The following ATRN variants were observed in gnomAD, a reference collection of about 807,000 sequenced individuals.
ATRN encodes attractin-2.
A neutral mutation model predicts 178.7 loss-of-function variants in ATRN; 54 were observed. The ratio of observed to expected loss-of-function variants is 0.30; its 90% CI spans 0.24 to 0.38. The LOEUF (loss-of-function observed/expected upper bound fraction) is 0.38, where lower values mean the gene tolerates loss of function less well. ATRN is among the 10% of genes least tolerant of loss of function. The pLI is 1.00. For synonymous variants in ATRN, 636 were observed against 663.0 expected (o/e 0.96, Z 0.63); for missense variants, 1,443 against 1,815.1 (o/e 0.79, Z 3.73).
At chr20:3,646,616 T>G (rs562683127) in intron 28 of ATRN, 107 bp from the exon 29 acceptor site, 319 of 1,400,926 alleles carry the variant, frequency 2.3e-4, no homozygotes, top group Non-Finnish European at 2.9e-4. Context: ...TTTTTTGGTT[T>G]GTTTGTTTTG....
intron 1 of ATRN, among the ~76,000 whole-genome samples, chr20:3,483,486 A>G (rs933278018): frequency 2.6e-5 from 4 of 152,138 alleles, no homozygotes; most frequent in African/African-American, 9.7e-5. Context: ...AGCTGAGACT[A>G]CAGGCATGTG....
Position 3,563,345 on chromosome 20 carries a change from T to A in ATRN, c.1768T>A (p.Phe590Ile). Reference protein sequence around the residue: ...SHGAKCFSSDFMAYDIACDRW... With the variant: ...SHGAKCFSSDIMAYDIACDRW... ...TGGCGCCAAATGCTTCTCTTCAGAT[T>A]TCATGGCCTATGACATTGGTAAGTT... Residue 590 changes from phenylalanine to isoleucine, a missense_variant, in exon 10 of 29, where the codon TTC becomes ATC. Physicochemically the swap from Phe to Ile is conservative, Grantham distance 21 (BLOSUM62 0). Around this residue, in one of 4 missense-constraint regions of ATRN, gnomAD observed 862 missense variants for 972.1 expected, o/e 0.89. Coordinates refer to ENST00000262919, the MANE Select transcript of ATRN (RefSeq NM_139321.3). 6.2e-7 allele frequency: 1 copy of A among 1,614,054 alleles called. No individual in the cohort carries two copies. The highest frequency in any genetic ancestry group is 8.5e-7 in the Non-Finnish European group (1 of 1,179,958).
intron 2 of ATRN, among the ~76,000 whole-genome samples, chr20:3,536,696 T>A (rs750880175): frequency 2.0e-5 from 3 of 152,236 alleles, no homozygotes; most frequent in Non-Finnish European, 1.5e-5. Context: ...TTTGCAAATC[T>A]CTTTAATGTG....
intron 1 of ATRN, among the ~76,000 whole-genome samples, chr20:3,502,705 G>C (rs2084980850): frequency 6.6e-6 from 1 of 152,172 alleles, no homozygotes; most frequent in African/African-American, 2.4e-5. Flanking sequence ...TGGCAGAACT[G>C]GTAAGAGAGA....
At chr20:3,628,644 A>T (rs1048103845) in intron 25 of ATRN, among the ~76,000 whole-genome samples, 4 of 152,076 alleles carry the variant, frequency 2.6e-5, no homozygotes, top group Non-Finnish European at 5.9e-5. Flanking sequence ...AGGGTTCAGT[A>T]CTATCCATGG....
chr20:3,604,845 A>C (rs1364056913), intron 24 of ATRN, among the ~76,000 whole-genome samples: 2 of 152,162 alleles, frequency 1.3e-5, no homozygotes, highest in East Asian at 1.9e-4. Flanking sequence ...GGGGCTGTGC[A>C]GCTGCTGCAG....
At chr20:3,522,972 A>T (rs1338535885) in intron 1 of ATRN, among the ~76,000 whole-genome samples, 1 of 152,150 alleles carries the variant, frequency 6.6e-6, no homozygotes, top group East Asian at 1.9e-4. Flanking sequence ...CAGCGCAAAA[A>T]GGCTGAAAAT....
intron 24 of ATRN, among the ~76,000 whole-genome samples, chr20:3,612,330 T>C (rs1488004247): frequency 6.6e-6 from 1 of 152,280 alleles, no homozygotes; most frequent in Non-Finnish European, 1.5e-5. Flanking sequence ...TTAGATCTTA[T>C]ATACCTATGC....
intron 12 of ATRN, among the ~76,000 whole-genome samples, chr20:3,574,412 G>A (rs2086174746): frequency 6.6e-6 from 1 of 152,204 alleles, no homozygotes; most frequent in Admixed American, 6.5e-5. Flanking sequence ...CAGCTACTAG[G>A]GTGGCTGAGG....
chr20:3,619,689 C>T (rs1413514455), intron 24 of ATRN, among the ~76,000 whole-genome samples: 3 of 152,212 alleles, frequency 2.0e-5, no homozygotes, highest in African/African-American at 7.2e-5. Context: ...TTCTACCCAC[C>T]ATACTTAATT....
chr20:3,611,799 A>G (rs1259055057), intron 24 of ATRN, among the ~76,000 whole-genome samples: 2 of 152,308 alleles, frequency 1.3e-5, no homozygotes, highest in East Asian at 3.9e-4. Flanking sequence ...ATGAGATAAC[A>G]CTACACACTT....
intron 24 of ATRN, among the ~76,000 whole-genome samples, chr20:3,605,386 C>G (rs1385265319): frequency 6.6e-6 from 1 of 152,148 alleles, no homozygotes; most frequent in Non-Finnish European, 1.5e-5. Context: ...ACCATTTGAC[C>G]CAGCCATCCC....
Position 3,636,314 on chromosome 20 carries a change from A to G in ATRN, c.3942+1925A>G, listed in dbSNP as rs546032227. Among the ~76,000 whole-genome samples the G allele has an allele frequency of 4.2e-3, 635 of 152,318 alleles. 3 individuals are homozygous for G. The highest frequency in any genetic ancestry group is 6.8e-3 in the Middle Eastern group (2 of 294). On this transcript the variant is annotated intron_variant, in intron 26 of 28. Transcript: ENST00000262919. The stretch of plus-strand genomic sequence containing the variant: ...CAGTGTAATGAAAGAGTCACTTAAT[A>G]CCAGAAAACCTATTAGAATATATCA...
chr20:3,571,054 G>C (rs533855756), intron 11 of ATRN, among the ~76,000 whole-genome samples: 5 of 152,146 alleles, frequency 3.3e-5, no homozygotes, highest in Non-Finnish European at 7.4e-5. Flanking sequence ...CCACATAGCA[G>C]TATATACTGG....
chr20:3,591,379 C>A, intron 19 of ATRN, 73 bp downstream of exon 19: 2 of 1,506,760 alleles, frequency 1.3e-6, no homozygotes, highest in South Asian at 1.3e-5. Context: ...ACTTGAATAT[C>A]TAGGAGGAAA....
intron 1 of ATRN, among the ~76,000 whole-genome samples, chr20:3,484,844 C>T (rs1210694817): frequency 5.3e-5 from 8 of 151,298 alleles, no homozygotes; most frequent in African/African-American, 9.7e-5. Context: ...ATTTACTACT[C>T]GATAGAGAAT....
rs1243888004 is a variant in ATRN, at chr20:3,596,413, C to G, written c.3453C>G (p.Leu1151=). 6.2e-7 allele frequency: 1 copy of G among 1,613,666 alleles called. No individual in the cohort carries two copies. Among genetic ancestry groups the G allele is most frequent in the Non-Finnish European group, 8.5e-7 (1 of 1,179,618 alleles). Residue 1151 remains leucine, a synonymous_variant, in exon 21 of 29, where the codon CTC becomes CTG. Transcript: ENST00000262919. Reference sequence around the variant, plus strand: ...AAAATCGATACCAAGGAAACCCTCTCAGAGGAACATGTTATTGTAAGTGGT... The same window carrying G: ...AAAATCGATACCAAGGAAACCCTCTGAGAGGAACATGTTATTGTAAGTGGT... ...EVENRYQGNP[L]RGTCYYTLLI... is the part of the protein sequence containing the mutation.
chr20:3,558,790 C>A (rs567591505), intron 6 of ATRN, among the ~76,000 whole-genome samples: 51 of 152,004 alleles, frequency 3.4e-4, no homozygotes, highest in African/African-American at 1.2e-3. Context: ...AAAGTGAGTA[C>A]TTTAAGATAC....
chr20:3,587,873 TCTCA>T (rs1287117649), intron 18 of ATRN, among the ~76,000 whole-genome samples: 3 of 151,914 alleles, frequency 2.0e-5, no homozygotes, highest in African/African-American at 7.3e-5. Context: ...TGAGAGAGGG[TCTCA>T]CTCTGTCACC....
Sources: gnomAD v4.1 joint callset for allele counts (sites outside exome capture counted in the v4.1 genomes callset) on GRCh38, gnomAD v4.1.1 for gene constraint, gnomAD v4.1.1 regional missense constraint, MANE v1.5 for transcripts, NCBI Gene and HGNC (gene_info 2026-07-23, HGNC 2026-07-21) for gene names.